NBPF3: variants seen among roughly 807,000 people sequenced by gnomAD.
The protein encoded by NBPF3 is NBPF family member NBPF3.
A neutral mutation model predicts 78.1 loss-of-function variants in NBPF3; 57 were observed. The ratio of observed to expected loss-of-function variants is 0.73; its 90% CI spans 0.59 to 0.91. The LOEUF (loss-of-function observed/expected upper bound fraction) is 0.91, where lower values mean the gene tolerates loss of function less well. Ranked by LOEUF, NBPF3 falls within the 40% of genes least tolerant of loss-of-function variation. NBPF3 has a pLI of 0.00. For missense variants in NBPF3, 510 were observed against 715.3 expected (o/e 0.71, Z 3.27); for synonymous variants, 182 against 271.7 (o/e 0.67, Z 3.25).
At chr1:21,471,303 T>G in intron 4 of NBPF3, among the ~76,000 whole-genome samples, 1 of 152,172 alleles carries the variant, frequency 6.6e-6, no homozygotes. Flanking sequence ...TGAAACTGAA[T>G]GAGGAAGACA....
chr1:21,477,956 G>A, intron 8 of NBPF3, 188 bp from the exon 9 acceptor site: 2 of 1,279,420 alleles, frequency 1.6e-6, no homozygotes, highest in South Asian at 1.4e-5. Context: ...GCCCATTTTT[G>A]TTCGGTCCTC....
chr1:21,451,314 G>C (rs1487624042), intron 2 of NBPF3, among the ~76,000 whole-genome samples: 1 of 152,166 alleles, frequency 6.6e-6, no homozygotes, highest in African/African-American at 2.4e-5. Flanking sequence ...CTGGACATAT[G>C]TTTTAGTTTC....
chr1:21,483,592 C>T lies in NBPF3; in HGVS notation c.*206C>T. 1 of 203,110 alleles carries T rather than the reference C, an allele frequency of 4.9e-6. No individual in the cohort carries two copies. The highest frequency in any genetic ancestry group is 7.6e-5 in the South Asian group (1 of 13,126). The allele number at this position is 203,110 out of a possible 1,614,324, so 12.6% of individuals were successfully genotyped here. Reference sequence around the variant, plus strand: ...ACCCAAGTTAGGTGTGACACGTTCACACGACTATGTAGCACATGCCGGGAG... The same window carrying T: ...ACCCAAGTTAGGTGTGACACGTTCATACGACTATGTAGCACATGCCGGGAG... On this transcript the variant is annotated 3_prime_UTR_variant, in exon 15 of 15. Transcript: ENST00000318249.
intron 2 of NBPF3, chr1:21,453,783 C>A (rs1226481922): frequency 6.6e-6 from 1 of 152,198 alleles, no homozygotes; most frequent in East Asian, 1.9e-4. Context: ...AATTTATGAC[C>A]TGGCATCCGG....
intron 8 of NBPF3, 142 bp from the exon 9 acceptor site, chr1:21,478,002 A>G (rs1404315486): frequency 1.9e-6 from 3 of 1,568,840 alleles, no homozygotes. Flanking sequence ...TTAGAAGGAT[A>G]GTTTTATTTC....
rs753886166 is a variant in NBPF3 at position 21,445,173 on chromosome 1, A to C, written c.87A>C (p.Ala29=). 6.2e-7 allele frequency: 1 copy of C among 1,611,946 alleles called. No individual in the cohort carries two copies. Residue 29 remains alanine (A), a synonymous_variant, in exon 2 of 15, where the codon GCA becomes GCC. Coordinates refer to ENST00000318249, the MANE Select transcript of NBPF3 (RefSeq NM_032264.6). ...VETSPFGAPR[A]ASHGVGRHQE... Reference sequence around the variant, plus strand: ...CTTCCCCATTCGGTGCACCAAGAGCAGCCTCACATGGTGTGGGCCGACATC... The same window carrying C: ...CTTCCCCATTCGGTGCACCAAGAGCCGCCTCACATGGTGTGGGCCGACATC...
At chr1:21,447,014 C>T (rs1298232290) in intron 2 of NBPF3, among the ~76,000 whole-genome samples, 2 of 152,228 alleles carry the variant, frequency 1.3e-5, no homozygotes. Flanking sequence ...CAGGTTGGTG[C>T]ACTTCAATGC....
In NBPF3 at chr1:21,445,181, A is replaced by G. The variant is rs1299805259; in HGVS notation, c.95A>G (p.His32Arg). The change falls in exon 2 of 15, where the codon CAT becomes CGT. Residue 32 changes from histidine to arginine, a missense_variant. Physicochemically the swap from His to Arg is conservative, Grantham distance 29. Around this residue, in one of 5 missense-constraint regions of NBPF3, gnomAD observed 440 missense variants for 478.2 expected, o/e 0.92. Coordinates refer to ENST00000318249, the MANE Select transcript of NBPF3 (RefSeq NM_032264.6). ...TTCGGTGCACCAAGAGCAGCCTCACATGGTGTGGGCCGACATCAAGAGCTG... is the reference window on the plus strand; with the variant it reads ...TTCGGTGCACCAAGAGCAGCCTCACGTGGTGTGGGCCGACATCAAGAGCTG... Reference protein sequence around the residue: ...SPFGAPRAASHGVGRHQELRD... With the variant: ...SPFGAPRAASRGVGRHQELRD... 7.4e-6 allele frequency: 12 copies of G among 1,611,826 alleles called. No homozygotes were observed. The highest frequency in any genetic ancestry group is 2.7e-5 in the African/African-American group (2 of 74,824).
chr1:21,470,869 CAA>C, intron 4 of NBPF3, 135 bp downstream of exon 4: 3 of 562,486 alleles, frequency 5.3e-6, no homozygotes, highest in South Asian at 3.6e-5. Flanking sequence ...TCACGACACA[CAA>C]AGATTTATCA....
At chr1:21,458,811 C>T (rs1397346857) in intron 2 of NBPF3, among the ~76,000 whole-genome samples, 1 of 152,130 alleles carries the variant, frequency 6.6e-6, no homozygotes, top group Non-Finnish European at 1.5e-5. Flanking sequence ...TAGGGAAATT[C>T]CTCTATCTTG....
At chr1:21,457,323 C>A (rs1189821528) in intron 2 of NBPF3, among the ~76,000 whole-genome samples, 1 of 129,060 alleles carries the variant, frequency 7.7e-6, no homozygotes, top group Non-Finnish European at 1.7e-5. Flanking sequence ...TTATTTCCAA[C>A]AAAGGGTTTT....
At chr1:21,441,361 A>G (rs771345692) in intron 1 of NBPF3, among the ~76,000 whole-genome samples, 1 of 152,172 alleles carries the variant, frequency 6.6e-6, no homozygotes, top group Non-Finnish European at 1.5e-5. Flanking sequence ...ACTTTGCGTC[A>G]AAGAAATCTT....
chr1:21,462,762 G>T (rs1264759861), intron 2 of NBPF3, among the ~76,000 whole-genome samples: 1 of 152,156 alleles, frequency 6.6e-6, no homozygotes, highest in Non-Finnish European at 1.5e-5. Context: ...AAAAGGAACT[G>T]GTTTCTAATT....
At chr1:21,442,634 T>A (rs1293767353) in intron 1 of NBPF3, among the ~76,000 whole-genome samples, 1 of 152,142 alleles carries the variant, frequency 6.6e-6, no homozygotes, top group African/African-American at 2.4e-5. Flanking sequence ...CATTTTTCTG[T>A]GTTAACCTTA....
In NBPF3 at chr1:21,460,869, G is replaced by A. The variant is rs2147950312; in HGVS notation, c.134-7819G>A. Among the ~76,000 whole-genome samples the A allele has an allele frequency of 6.6e-6, 1 of 152,260 alleles. No homozygotes were observed. Among genetic ancestry groups the A allele is most frequent in the Non-Finnish European group, 1.5e-5 (1 of 68,014 alleles). ...TTTGCTATATAATATAGCAAAAAAT[G>A]TGTATATATAAATGGATGCATTCAA... On this transcript the variant is annotated intron_variant, in intron 2 of 14. Coordinates refer to ENST00000318249, the MANE Select transcript of NBPF3 (RefSeq NM_032264.6). This position sits in a 1 kb window ranked among gnomAD's most constrained non-coding sequence, Gnocchi z 4.2.
intron 2 of NBPF3, among the ~76,000 whole-genome samples, chr1:21,456,083 G>A (rs748727940): frequency 2.6e-5 from 4 of 152,194 alleles, no homozygotes; most frequent in Non-Finnish European, 5.9e-5. Context: ...GTGGATTGGT[G>A]ATTGAGTCCT....
At chr1:21,443,645 G>A (rs573123208) in intron 1 of NBPF3, among the ~76,000 whole-genome samples, 37 of 151,086 alleles carry the variant, frequency 2.4e-4, no homozygotes, top group African/African-American at 8.3e-4. Flanking sequence ...ACAGTGTCTC[G>A]CTCTGTTGCC....
At chr1:21,451,290 G>C (rs1258387857) in intron 2 of NBPF3, among the ~76,000 whole-genome samples, 5 of 152,144 alleles carry the variant, frequency 3.3e-5, no homozygotes, top group African/African-American at 1.2e-4. Context: ...GAACATTCTT[G>C]TATAAATCAT....
At chr1:21,461,605 G>T (rs1641954270) in intron 2 of NBPF3, among the ~76,000 whole-genome samples, 1 of 152,138 alleles carries the variant, frequency 6.6e-6, no homozygotes, top group Admixed American at 6.5e-5. Flanking sequence ...GGGATTACAG[G>T]CACCTGCCAC....
Sources: allele counts gnomAD v4.1 joint callset (sites outside exome capture counted in the v4.1 genomes callset), GRCh38; gene constraint gnomAD v4.1.1; regional missense constraint gnomAD v4.1.1; non-coding constraint Gnocchi (gnomAD v3.1); transcripts MANE v1.5; gene names NCBI Gene and HGNC (gene_info 2026-07-23, HGNC 2026-07-21).